Variants in CA3 observed in about 807,000 individuals in gnomAD.
CA3 encodes carbonic anhydrase 3, also known as CA-III.
Under a neutral mutation model 35.7 loss-of-function variants are expected in CA3, and 30 were observed. That is an observed-to-expected ratio of 0.84 (90% CI 0.63 to 1.14). The LOEUF (loss-of-function observed/expected upper bound fraction) is 1.14. CA3 is among the 50% of genes most tolerant of loss of function. The pLI is 0.00. For synonymous variants in CA3, 131 were observed against 130.8 expected (o/e 1.00, Z -0.01); for missense variants, 295 against 328.5 (o/e 0.90, Z 0.79).
At chr8:85,446,588 G>T (rs1000744616) in intron 6 of CA3, among the ~76,000 whole-genome samples, 10 of 152,164 alleles carry the variant, frequency 6.6e-5, no homozygotes, top group African/African-American at 2.4e-4. Context: ...ATGAGTCTTT[G>T]TTAATTTGGA....
In CA3 at chr8:85,439,693, C is replaced by A; in HGVS notation, c.35-19C>A. 6.3e-7 allele frequency: 1 copy of A among 1,593,940 alleles called. No individual in the cohort carries two copies. The highest frequency in any genetic ancestry group is 1.1e-5 in the South Asian group (1 of 90,530). ...GTTGTGCCACCAAATAAATACATCTCCTCGACTTTATTTCCTAGGTCCTGA... is the reference window on the plus strand; with the variant it reads ...GTTGTGCCACCAAATAAATACATCTACTCGACTTTATTTCCTAGGTCCTGA... On this transcript the variant is annotated intron_variant, in intron 1 of 6. Coordinates refer to ENST00000285381, the MANE Select transcript of CA3 (RefSeq NM_005181.4).
At position 85,438,876 on chromosome 8, in the gene CA3, A is replaced by G; in HGVS notation, c.-34A>G. The G allele has an allele frequency of 1.3e-6, 2 of 1,550,726 alleles. No individual in the cohort carries two copies. On this transcript the variant is annotated 5_prime_UTR_variant, in exon 1 of 7. Coordinates refer to ENST00000285381, the MANE Select transcript of CA3 (RefSeq NM_005181.4). ...ACTCTGCACCACGCAGGGGAAGAGAAAGCAGGAGCCGTCCAGCACGGAGGA... is the reference window on the plus strand; with the variant it reads ...ACTCTGCACCACGCAGGGGAAGAGAGAGCAGGAGCCGTCCAGCACGGAGGA...
chr8:85,443,348 T>A (rs1465689428), intron 3 of CA3, among the ~76,000 whole-genome samples: 1 of 152,226 alleles, frequency 6.6e-6, no homozygotes, highest in African/African-American at 2.4e-5. Context: ...TTTTTCCTGC[T>A]TTATTCTTTT....
In CA3 at chr8:85,448,193, C is replaced by T. The variant is rs757321938; in HGVS notation, c.*40C>T. ...GCCCTCTTCAGGAAAGGAAACCTAC[C>T]ATTGGAGAGCTTGGTTCCTTGCCTC... On this transcript the variant is annotated 3_prime_UTR_variant, in exon 7 of 7. Coordinates refer to ENST00000285381, the MANE Select transcript of CA3 (RefSeq NM_005181.4). 6 of 1,589,430 alleles carry T rather than the reference C, an allele frequency of 3.8e-6. No homozygotes were observed. In the Admixed American group the frequency reaches 1.0e-4, roughly 28 times the overall value.
At chr8:85,442,483 C>G (rs944207363) in intron 3 of CA3, 4 of 266,542 alleles carry the variant, frequency 1.5e-5, no homozygotes, top group Non-Finnish European at 3.0e-5. Context: ...GAGGCTGAGG[C>G]AGGTGGATTG....
intron 6 of CA3, 146 bp downstream of exon 6, chr8:85,446,443 C>A (rs547218079): frequency 9.8e-6 from 9 of 918,766 alleles, no homozygotes. Context: ...TGGTTAATTA[C>A]AACCAGCCTG....
At chr8:85,447,727 A>G (rs1237532831) in intron 6 of CA3, among the ~76,000 whole-genome samples, 2 of 152,070 alleles carry the variant, frequency 1.3e-5, no homozygotes, top group Admixed American at 6.6e-5. Context: ...GTGAAACCCC[A>G]TCTCTACTAA....
intron 6 of CA3, among the ~76,000 whole-genome samples, chr8:85,447,049 A>G (rs938804119): frequency 1.3e-5 from 2 of 152,208 alleles, no homozygotes; most frequent in Admixed American, 1.3e-4. Context: ...TGCATAAGGC[A>G]ACAGCTTTCA....
intron 2 of CA3, among the ~76,000 whole-genome samples, chr8:85,440,541 G>C (rs1811193699): frequency 6.6e-6 from 1 of 152,066 alleles, no homozygotes; most frequent in South Asian, 2.1e-4. Context: ...TACATGTTTA[G>C]AAAAAACAAA....
rs945822693 is a variant in CA3 at position 85,446,088 on chromosome 8, G to A, written c.508-54G>A. On this transcript the variant is annotated intron_variant, in intron 5 of 6. Transcript: ENST00000285381. Reference sequence around the variant, plus strand: ...AATAAAGTGGTGAGGGCATTGGGGTGGGTGGGCATGTGCATGCATGCACTC... The same window carrying A: ...AATAAAGTGGTGAGGGCATTGGGGTAGGTGGGCATGTGCATGCATGCACTC... 1.0e-5 allele frequency: 15 copies of A among 1,476,290 alleles called. No homozygotes were observed. The African/African-American group carries it at 2.1e-4, about 20-fold the overall frequency. 91.4% of individuals were successfully genotyped at this position (1,476,290 alleles called of 1,614,324 possible). A position where few individuals can be genotyped will look rare whatever the true frequency, so the allele number is the denominator to read the frequency against.
At position 85,448,307 on chromosome 8, in the gene CA3, T is replaced by G. The variant is rs1023182287; in HGVS notation, c.*154T>G. On this transcript the variant is annotated 3_prime_UTR_variant, in exon 7 of 7. Coordinates refer to ENST00000285381, the MANE Select transcript of CA3 (RefSeq NM_005181.4). ...TGTGGTCACCAAGATCTAAGTTACTTGTTGAAAGAAAGTTACTTTCGACAA... is the reference window on the plus strand; with the variant it reads ...TGTGGTCACCAAGATCTAAGTTACTGGTTGAAAGAAAGTTACTTTCGACAA... 7.5e-6 allele frequency: 5 copies of G among 665,698 alleles called. No homozygotes were observed. The highest frequency in any genetic ancestry group is 1.1e-5 in the Non-Finnish European group (5 of 440,120). The allele number at this position is 665,698 out of a possible 1,614,324, so 41.2% of individuals were successfully genotyped here.
At chr8:85,447,965 C>T in intron 6 of CA3, 69 bp from the exon 7 acceptor site, 2 of 1,476,628 alleles carry the variant, frequency 1.4e-6, no homozygotes, top group Admixed American at 2.2e-5. Flanking sequence ...AGTATTTATA[C>T]CTCTTTGTCA....
chr8:85,439,691 C>T (rs201721234), intron 1 of CA3, 21 bp from the exon 2 acceptor site: 282 of 1,588,532 alleles, frequency 1.8e-4, no homozygotes, highest in Non-Finnish European at 3.5e-5. Context: ...ATAAATACAT[C>T]TCCTCGACTT....
intron 4 of CA3, among the ~76,000 whole-genome samples, 153 bp downstream of exon 4, chr8:85,444,279 A>G (rs1811247664): frequency 6.6e-6 from 1 of 152,216 alleles, no homozygotes; most frequent in South Asian, 2.1e-4. Flanking sequence ...TGCAAAGATC[A>G]GCTCAAAATG....
intron 4 of CA3, 47 bp from the exon 5 acceptor site, chr8:85,445,109 C>A: frequency 7.8e-7 from 1 of 1,277,800 alleles, no homozygotes; most frequent in Non-Finnish European, 1.1e-6. Context: ...CAATCCTAAA[C>A]TATGGAGAAG....
At chr8:85,441,873 C>A (rs915721651) in intron 2 of CA3, 200 bp from the exon 3 acceptor site, 1 of 540,374 alleles carries the variant, frequency 1.9e-6, no homozygotes, top group South Asian at 2.6e-5. Flanking sequence ...ATAAGAAAGA[C>A]AGAAAAGAAC....
intron 2 of CA3, among the ~76,000 whole-genome samples, chr8:85,440,998 C>T (rs894880775): frequency 3.9e-5 from 6 of 152,104 alleles, no homozygotes; most frequent in Non-Finnish European, 8.8e-5. Context: ...CATATAGTTT[C>T]TTCTAATAAA....
At chr8:85,443,618 G>A (rs1172201690) in intron 3 of CA3, among the ~76,000 whole-genome samples, 1 of 152,170 alleles carries the variant, frequency 6.6e-6, no homozygotes, top group African/African-American at 2.4e-5. Flanking sequence ...TCTTACAGAT[G>A]CAGGCAAGGC....
intron 4 of CA3, among the ~76,000 whole-genome samples, chr8:85,444,551 C>T (rs1229307341): frequency 1.3e-5 from 2 of 152,168 alleles, no homozygotes; most frequent in Non-Finnish European, 2.9e-5. Context: ...GACATCCCCT[C>T]GGCTTGAGGT....
Sources: allele counts gnomAD v4.1 joint callset (sites outside exome capture counted in the v4.1 genomes callset), GRCh38; gene constraint gnomAD v4.1.1; transcripts MANE v1.5; gene names NCBI Gene and HGNC (gene_info 2026-07-23, HGNC 2026-07-21).